Variants in PRRC2C observed in about 807,000 individuals in gnomAD.
PRRC2C encodes the protein proline rich coiled-coil 2C.
A neutral mutation model predicts 317.2 loss-of-function variants in PRRC2C; 72 were observed. The ratio of observed to expected loss-of-function variants is 0.23; its 90% CI spans 0.19 to 0.28. PRRC2C has a LOEUF of 0.28. PRRC2C is among the 10% of genes least tolerant of loss of function. The pLI is 1.00. For missense variants in PRRC2C, 3,074 were observed against 3,459.7 expected (o/e 0.89, Z 2.80); for synonymous variants, 1,296 against 1,205.9 (o/e 1.07, Z -1.55).
intron 15 of PRRC2C, among the ~76,000 whole-genome samples, chr1:171,539,284 C>T (rs544480710): frequency 3.3e-5 from 5 of 152,298 alleles, no homozygotes; most frequent in South Asian, 4.1e-4. Context: ...GGATTACAGG[C>T]GTGAGCCACC....
chr1:171,504,603 CTA>C (rs2102173205), intron 1 of PRRC2C, among the ~76,000 whole-genome samples: 1 of 152,302 alleles, frequency 6.6e-6, no homozygotes, highest in Admixed American at 6.5e-5. Context: ...TTTCTAGACT[CTA>C]TTCTGCTCCA....
intron 20 of PRRC2C, among the ~76,000 whole-genome samples, chr1:171,562,761 G>A (rs1455899352): frequency 2.6e-5 from 4 of 152,144 alleles, no homozygotes; most frequent in African/African-American, 9.7e-5. Flanking sequence ...ATATGAGTCT[G>A]TAGTTCAGAA....
At chr1:171,580,554 A>T (rs953191089) in intron 28 of PRRC2C, among the ~76,000 whole-genome samples, 1 of 152,242 alleles carries the variant, frequency 6.6e-6, no homozygotes, top group Non-Finnish European at 1.5e-5. Context: ...CCTTTCACAT[A>T]CATTAACTAA....
chr1:171,564,340 T>C (rs908308003), intron 20 of PRRC2C, among the ~76,000 whole-genome samples: 11 of 152,318 alleles, frequency 7.2e-5, no homozygotes, highest in African/African-American at 2.6e-4. Context: ...GGATATAACA[T>C]TCTCTAACAG....
chr1:171,493,945 TC>T (rs1410016873), intron 1 of PRRC2C, among the ~76,000 whole-genome samples: 4 of 152,238 alleles, frequency 2.6e-5, no homozygotes, highest in Non-Finnish European at 2.9e-5. Context: ...GTTAATTAAA[TC>T]TTATAATAGT....
chr1:171,498,026 T>C (rs1668441061), intron 1 of PRRC2C, among the ~76,000 whole-genome samples: 1 of 150,650 alleles, frequency 6.6e-6, no homozygotes, highest in Non-Finnish European at 1.5e-5. Context: ...AAAGTCTTGC[T>C]GTGTTGCCCA....
chr1:171,583,722 C>T (rs1315521692), intron 28 of PRRC2C, among the ~76,000 whole-genome samples: 1 of 152,146 alleles, frequency 6.6e-6, no homozygotes, highest in African/African-American at 2.4e-5. Flanking sequence ...CCAGCAAAAA[C>T]ACTTGAGTCA....
intron 23 of PRRC2C, among the ~76,000 whole-genome samples, chr1:171,569,509 G>T (rs538145645): frequency 7.0e-6 from 1 of 143,770 alleles, no homozygotes; most frequent in South Asian, 2.3e-4. Flanking sequence ...AGCTCTCTAG[G>T]AGCTGATTAA....
chr1:171,578,092 A>G (rs1453973050), intron 26 of PRRC2C, among the ~76,000 whole-genome samples: 3 of 150,896 alleles, frequency 2.0e-5, no homozygotes, highest in African/African-American at 7.3e-5. Flanking sequence ...CACCTCACCC[A>G]GCCTAAATTG....
intron 18 of PRRC2C, among the ~76,000 whole-genome samples, chr1:171,551,952 T>C (rs2102592300): frequency 6.6e-6 from 1 of 152,330 alleles, no homozygotes; most frequent in Middle Eastern, 3.4e-3. Context: ...CGGGCTCTTT[T>C]TTGGTTCCAT....
chr1:171,588,013 C>T (rs578062601), intron 32 of PRRC2C, among the ~76,000 whole-genome samples: 104 of 152,056 alleles, frequency 6.8e-4, no homozygotes, highest in African/African-American at 2.5e-3. Flanking sequence ...CACACTGTTA[C>T]CCAGACTAGA....
chr1:171,492,738 T>TTTTATTTA (rs58061201), intron 1 of PRRC2C, among the ~76,000 whole-genome samples: 27,777 of 144,128 alleles, frequency 0.19, 3,056 homozygotes, highest in African/African-American at 0.28. Flanking sequence ...ATTTTTTTAA[T>TTTTATTTA]TTTATTTATT....
At chr1:171,514,939 A>G (rs1004049447) in intron 4 of PRRC2C, among the ~76,000 whole-genome samples, 5 of 152,216 alleles carry the variant, frequency 3.3e-5, no homozygotes, top group African/African-American at 4.8e-5. Context: ...CCTTCAAAGT[A>G]TCCAGCCATC....
chr1:171,557,635 T>C lies in PRRC2C; in HGVS notation c.5523T>C (p.Ala1841=). 2 of 1,550,236 alleles carry C rather than the reference T, an allele frequency of 1.3e-6. No individual in the cohort carries two copies. The highest frequency in any genetic ancestry group is 1.7e-6 in the Non-Finnish European group (2 of 1,146,600). ...TSSSAPASAP[A]PTPILASVST... is the part of the protein sequence containing the mutation. ...CTTCAGCTCCAGCCTCAGCCCCAGC[T>C]CCAACCCCCATCCTTGCCTCAGTTT... is the stretch of plus-strand genomic sequence containing the variant. Residue 1841 remains alanine (A), a synonymous_variant, in exon 19 of 35, where the codon GCT becomes GCC. Transcript: ENST00000647382.
chr1:171,579,756 A>T (rs1294691498), intron 27 of PRRC2C, 72 bp from the exon 28 acceptor site: 1 of 1,444,762 alleles, frequency 6.9e-7, no homozygotes. Context: ...TCAAATTTTT[A>T]TATTCCAGTG....
At chr1:171,526,199 C>G (rs1436216848) in intron 10 of PRRC2C, among the ~76,000 whole-genome samples, 2 of 151,996 alleles carry the variant, frequency 1.3e-5, no homozygotes, top group Non-Finnish European at 2.9e-5. Flanking sequence ...TTTAGATTTT[C>G]TTTTTTTAAG....
chr1:171,591,452 G>T, intron 34 of PRRC2C, 135 bp from the exon 35 acceptor site: 1 of 834,832 alleles, frequency 1.2e-6, no homozygotes. Flanking sequence ...AAAGATCAAT[G>T]AGGTACTTTT....
At chr1:171,507,110 C>T (rs996882333) in intron 1 of PRRC2C, among the ~76,000 whole-genome samples, 2 of 151,976 alleles carry the variant, frequency 1.3e-5, no homozygotes, top group Non-Finnish European at 2.9e-5. Context: ...GTCTGTTAGA[C>T]AAGCCAGATG....
rs1671976074 is a variant in PRRC2C, at chr1:171,514,520, C to T, written c.291-16C>T. ...CATACAGTATCTGAAATAATGGATT[C>T]ATATTTTTTTTTAAGAACACCAGAA... On this transcript the variant is annotated splice_polypyrimidine_tract_variant and intron_variant, in intron 3 of 34. Coordinates refer to ENST00000647382, the MANE Select transcript of PRRC2C (RefSeq NM_001387844.1). 1 of 1,526,066 alleles carries T rather than the reference C, an allele frequency of 6.6e-7. No individual in the cohort carries two copies. Among genetic ancestry groups the T allele is most frequent in the Non-Finnish European group, 8.9e-7 (1 of 1,125,030 alleles). The allele number at this position is 1,526,066 out of a possible 1,614,324, so 94.5% of individuals were successfully genotyped here.
Sources: allele counts gnomAD v4.1 joint callset (sites outside exome capture counted in the v4.1 genomes callset), GRCh38; gene constraint gnomAD v4.1.1; transcripts MANE v1.5; gene names NCBI Gene and HGNC (gene_info 2026-07-23, HGNC 2026-07-21).